Variants in ATF6B observed in about 807,000 individuals in gnomAD.
ATF6B encodes cyclic AMP-dependent transcription factor ATF-6 beta.
In ATF6B, 50 loss-of-function variants were observed where a neutral mutation model predicts 83.5. That is an observed-to-expected ratio of 0.60 (90% confidence interval 0.48 to 0.76). The LOEUF (loss-of-function observed/expected upper bound fraction) is 0.76, where lower values mean the gene tolerates loss of function less well. Ranked by LOEUF, ATF6B falls within the 30% of genes least tolerant of loss-of-function variation. The pLI is 0.00. For missense variants in ATF6B, 790 were observed against 893.8 expected, an observed-to-expected ratio of 0.88 and a Z score of 1.48; for synonymous variants, 344 against 362.8, an observed-to-expected ratio of 0.95 and a Z score of 0.59.
Position 32,117,154 on chromosome 6 carries a change from GGAAA to G in ATF6B, c.1615-51_1615-48del, listed in dbSNP as rs1781563986. ...GACTTGGAGAGGGTGAAGGGAAAAG[GGAAA>G]GAGACAAACAGCCCCTGGAAGCTGA... On this transcript the variant is annotated intron_variant, in intron 14 of 17. Coordinates refer to ENST00000375203, the MANE Select transcript of ATF6B (RefSeq NM_004381.5). The surrounding 1 kb of genome is among the most constrained non-coding windows in gnomAD (Gnocchi z 5.0). 2 of 1,599,570 alleles carry G rather than the reference GGAAA, an allele frequency of 1.3e-6. No individual in the cohort carries two copies. The highest frequency in any genetic ancestry group is 4.5e-5 in the East Asian group (2 of 44,770).
At chr6:32,127,970 C>T (rs1319420564) in intron 1 of ATF6B, 147 bp downstream of exon 1, 2 of 1,021,500 alleles carry the variant, frequency 2.0e-6, no homozygotes, top group Non-Finnish European at 2.9e-6. Context: ...TTTTGTATCC[C>T]CCTTAATGCA....
rs1226818069 is a variant in ATF6B at position 32,121,477 on chromosome 6, CA to C, written c.479-130del. 3 of 825,270 alleles carry C rather than the reference CA, an allele frequency of 3.6e-6. No individual in the cohort carries two copies. The Admixed American group carries it at 6.2e-5, about 17-fold the overall frequency. The allele number at this position is 825,270 out of a possible 1,614,324, so 51.1% of individuals were successfully genotyped here. ...CAGCACTTTGGGAGGCCAAGGCGGG[CA>C]GATCACCTGAGGTCAGGAGTTCAAG... is the stretch of plus-strand genomic sequence containing the variant. On this transcript the variant is annotated intron_variant, in intron 5 of 17. Coordinates refer to ENST00000375203, the MANE Select transcript of ATF6B (RefSeq NM_004381.5).
At chr6:32,123,441 T>C (rs879650311) in intron 5 of ATF6B, among the ~76,000 whole-genome samples, 48 of 152,052 alleles carry the variant, frequency 3.2e-4, no homozygotes, top group Admixed American at 1.2e-3. Flanking sequence ...TTGCTGCTAA[T>C]AGCAGTGGGC....
chr6:32,127,152 G>A lies in ATF6B; in HGVS notation c.293C>T (p.Ser98Phe). The A allele has an allele frequency of 8.7e-6, 14 of 1,612,080 alleles. No homozygotes were observed. Among genetic ancestry groups the A allele is most frequent in the Non-Finnish European group, 1.2e-5 (14 of 1,179,372 alleles). ...ACGCGATGACTCGGAGCTGAGGGAG[G>A]AGGAAGAGCAGGGGGAAGATGGCTC... is the stretch of plus-strand genomic sequence containing the variant. ...KSEPSSPCSS[S>F]SLSSESSRLS... Residue 98 changes from serine (S) to phenylalanine (F), a missense_variant, in exon 4 of 18, where the codon TCC becomes TTC. Physicochemically the swap from Ser to Phe is radical, Grantham distance 155. Around this residue, in one of 3 missense-constraint regions of ATF6B, gnomAD observed 253 missense variants for 243.1 expected, o/e 1.04. Coordinates refer to ENST00000375203, the MANE Select transcript of ATF6B (RefSeq NM_004381.5).
intron 5 of ATF6B, among the ~76,000 whole-genome samples, chr6:32,124,039 A>T (rs1781869178): frequency 6.6e-6 from 1 of 152,178 alleles, no homozygotes; most frequent in Admixed American, 6.5e-5. Flanking sequence ...TGTCTCTACT[A>T]AAAATACAAA....
At position 32,127,105 on chromosome 6, in the gene ATF6B, C is replaced by G; in HGVS notation, c.340G>C (p.Glu114Gln). 6.3e-7 allele frequency: 1 copy of G among 1,594,824 alleles called. No individual in the cohort carries two copies. The highest frequency in any genetic ancestry group is 8.5e-7 in the Non-Finnish European group (1 of 1,170,758). The part of the protein sequence containing the change: ...SSRLSTEPSS[E>Q]ALGVGEVLHV... ...TAAGAGGGATATGGCTCTCTCACCT[C>G]GCTGGATGGCTCTGTGGAGAGACGC... is the stretch of plus-strand genomic sequence containing the variant. The change falls in exon 4 of 18, where the codon GAG (glutamate) becomes CAG (glutamine). Residue 114 changes from glutamate (E) to glutamine (Q), a missense_variant and splice_region_variant. Glu to Gln is a conservative substitution (Grantham distance 29). This residue lies in a region of ATF6B where 253 missense variants were observed against 243.1 expected (regional missense o/e 1.04). Transcript: ENST00000375203.
At chr6:32,126,385 CTG>C in intron 4 of ATF6B, 133 bp from the exon 5 acceptor site, 2 of 1,069,100 alleles carry the variant, frequency 1.9e-6, no homozygotes, top group Non-Finnish European at 2.6e-6. Context: ...ACATTCTGGT[CTG>C]AATGGTACTG....
Position 32,127,185 on chromosome 6 carries a change from A to G in ATF6B, c.260T>C (p.Val87Ala). 1 of 1,609,682 alleles carries G rather than the reference A, an allele frequency of 6.2e-7. No homozygotes were observed. Among genetic ancestry groups the G allele is most frequent in the Middle Eastern group, 1.7e-4 (1 of 6,030 alleles). The change falls in exon 4 of 18, where the codon GTG (valine) becomes GCG (alanine). Residue 87 changes from valine to alanine, a missense_variant. By Grantham distance (64) the Val-to-Ala change is moderately conservative. Coordinates refer to ENST00000375203, the MANE Select transcript of ATF6B (RefSeq NM_004381.5). ...GCAGGGGGAAGATGGCTCAGACTTCACCTGAAGATCTGGAGGAAAGGGAGT... is the reference window on the plus strand; with the variant it reads ...GCAGGGGGAAGATGGCTCAGACTTCGCCTGAAGATCTGGAGGAAAGGGAGT... ...ELLPIFPDLQ[V>A]KSEPSSPCSS...
At chr6:32,127,851 C>A in intron 1 of ATF6B, 101 bp from the exon 2 acceptor site, 1 of 1,314,742 alleles carries the variant, frequency 7.6e-7, no homozygotes, top group South Asian at 1.3e-5. Flanking sequence ...CTCGGCCAGA[C>A]CCACCGCCCG....
chr6:32,118,849 T>C lies in ATF6B; in HGVS notation c.1170A>G (p.Leu390=). The change falls in exon 11 of 18, where the codon TTA becomes TTG. Residue 390 remains leucine (L), a synonymous_variant. Coordinates refer to ENST00000375203, the MANE Select transcript of ATF6B (RefSeq NM_004381.5). This position sits in a 1 kb window ranked among gnomAD's most constrained non-coding sequence, Gnocchi z 5.2. ...ALLAENSELK[L]GSGNRKVVCI... Reference sequence around the variant, plus strand: ...AGACCACCTTCCTGTTTCCAGACCCTAACTTGAGCTCGCTGTTCTAAGGTA... The same window carrying C: ...AGACCACCTTCCTGTTTCCAGACCCCAACTTGAGCTCGCTGTTCTAAGGTA... The C allele has an allele frequency of 6.2e-7, 1 of 1,614,182 alleles. No homozygotes were observed. Among genetic ancestry groups the C allele is most frequent in the Non-Finnish European group, 8.5e-7 (1 of 1,180,020 alleles).
In ATF6B at chr6:32,117,750, AAAG is replaced by A. The variant is rs1054414708; in HGVS notation, c.1425-59_1425-57del. ...GGAGACTGCCCAGCACTCCCACAAC[AAAG>A]AAGGCGATGACGGCAAGAGAAAGCT... On this transcript the variant is annotated intron_variant, in intron 12 of 17. Transcript: ENST00000375203. The surrounding 1 kb of genome is among the most constrained non-coding windows in gnomAD (Gnocchi z 5.0). The A allele has an allele frequency of 1.9e-6, 3 of 1,593,154 alleles. No individual in the cohort carries two copies. In the African/African-American group the frequency reaches 4.0e-5, roughly 21 times the overall value.
At chr6:32,126,863 A>T (rs893900593) in intron 4 of ATF6B, among the ~76,000 whole-genome samples, 8 of 152,276 alleles carry the variant, frequency 5.3e-5, no homozygotes, top group Admixed American at 5.2e-4. Flanking sequence ...CTATCTCAAA[A>T]AAAAGCAAAA....
Position 32,119,309 on chromosome 6 carries a change from G to C in ATF6B, c.967-168C>G, listed in dbSNP as rs1781660584. Among the ~76,000 whole-genome samples, 4 of 152,148 alleles carry C rather than the reference G, an allele frequency of 2.6e-5. No individual in the cohort carries two copies. The highest frequency in any genetic ancestry group is 9.7e-5 in the African/African-American group (4 of 41,428). On this transcript the variant is annotated intron_variant, in intron 9 of 17. Coordinates refer to ENST00000375203, the MANE Select transcript of ATF6B (RefSeq NM_004381.5). This position sits in a 1 kb window ranked among gnomAD's most constrained non-coding sequence, Gnocchi z 4.9. ...TTTCCTCTCTACTCAAACACGCTAG[G>C]GAAGGGGCCCTTCTTTCAAACATTC...
chr6:32,119,101 C>T lies in ATF6B; in HGVS notation c.1007G>A (p.Arg336Gln), dbSNP rs1376759658. ...LKRQQRMIKN[R>Q]ESACQSRRKK... Reference sequence around the variant, plus strand: ...TCTCCGGGACTGGCAGGCTGACTCCCGGTTCTTGATCATTCGCTGCTGCCG... The same window carrying T: ...TCTCCGGGACTGGCAGGCTGACTCCTGGTTCTTGATCATTCGCTGCTGCCG... The change falls in exon 10 of 18, where the codon CGG becomes CAG. Residue 336 changes from arginine to glutamine, a missense_variant. Transcript: ENST00000375203. The surrounding 1 kb of genome is among the most constrained non-coding windows in gnomAD (Gnocchi z 4.9). 5 of 1,612,778 alleles carry T rather than the reference C, an allele frequency of 3.1e-6. No homozygotes were observed. Among genetic ancestry groups the T allele is most frequent in the South Asian group, 1.1e-5 (1 of 90,954 alleles).
intron 5 of ATF6B, among the ~76,000 whole-genome samples, chr6:32,122,802 T>C (rs1462811114): frequency 1.3e-5 from 2 of 150,098 alleles, no homozygotes; most frequent in African/African-American, 2.5e-5. Flanking sequence ...TGAGCCGAGA[T>C]TGCGCCACTG....
In ATF6B at chr6:32,117,484, A is replaced by G; in HGVS notation, c.1533-80T>C. The stretch of plus-strand genomic sequence containing the variant: ...CTTGCCCACCCACAGGAGTGAGGAG[A>G]GGGCAGGGAGCACTGGCGCTTTAGT... On this transcript the variant is annotated intron_variant, in intron 13 of 17. Coordinates refer to ENST00000375203, the MANE Select transcript of ATF6B (RefSeq NM_004381.5). The surrounding 1 kb of genome is among the most constrained non-coding windows in gnomAD (Gnocchi z 5.0). 1 of 1,592,892 alleles carries G rather than the reference A, an allele frequency of 6.3e-7. No homozygotes were observed. The highest frequency in any genetic ancestry group is 8.6e-7 in the Non-Finnish European group (1 of 1,164,940).
At position 32,119,935 on chromosome 6, in the gene ATF6B, C is replaced by G. The variant is rs752855219; in HGVS notation, c.855G>C (p.Gln285His). ...PPPVSPVVLI[Q>H]GAIRVQPEGP... ...CTTCAGGCTGGACTCGAATAGCACC[C>G]TGGATGAGGACAACTGGGGACACTG... The change falls in exon 9 of 18, where the codon CAG becomes CAC. Residue 285 changes from glutamine (Q) to histidine (H), a missense_variant. Physicochemically the swap from Gln to His is conservative, Grantham distance 24 (BLOSUM62 0). Around this residue, in one of 3 missense-constraint regions of ATF6B, gnomAD observed 530 missense variants for 632.6 expected, o/e 0.84. Coordinates refer to ENST00000375203, the MANE Select transcript of ATF6B (RefSeq NM_004381.5). This position sits in a 1 kb window ranked among gnomAD's most constrained non-coding sequence, Gnocchi z 4.9. 1 of 1,614,094 alleles carries G rather than the reference C, an allele frequency of 6.2e-7. No homozygotes were observed.
In ATF6B at chr6:32,117,966, C is replaced by G; in HGVS notation, c.1317G>C (p.Leu439Phe). Residue 439 changes from leucine to phenylalanine, a missense_variant, in exon 12 of 18, where the codon TTG (leucine) becomes TTC (phenylalanine). Around this residue, in one of 3 missense-constraint regions of ATF6B, gnomAD observed 530 missense variants for 632.6 expected, o/e 0.84. Transcript: ENST00000375203. This position sits in a 1 kb window ranked among gnomAD's most constrained non-coding sequence, Gnocchi z 5.0. ...CTGGCTCTTGCTCTGAGAACCCCAG[C>G]AAGTGTCTCCGGGGTTGAGGCTCCC... is the stretch of plus-strand genomic sequence containing the variant. The part of the protein sequence containing the change: ...NKGEPQPRRH[L>F]LGFSEQEPVQ... 1 of 1,613,740 alleles carries G rather than the reference C, an allele frequency of 6.2e-7. No individual in the cohort carries two copies. The highest frequency in any genetic ancestry group is 2.2e-5 in the East Asian group (1 of 44,876).
chr6:32,124,292 G>A (rs530968858), intron 5 of ATF6B, among the ~76,000 whole-genome samples: 8 of 152,226 alleles, frequency 5.3e-5, no homozygotes, highest in African/African-American at 1.2e-4. Context: ...TCCATCCAGT[G>A]AACAGTAACA....
Sources: gnomAD v4.1 joint callset for allele counts (sites outside exome capture counted in the v4.1 genomes callset) on GRCh38, gnomAD v4.1.1 for gene constraint, gnomAD v4.1.1 regional missense constraint, Gnocchi (gnomAD v3.1) non-coding constraint, MANE v1.5 for transcripts, NCBI Gene and HGNC (gene_info 2026-07-23, HGNC 2026-07-21) for gene names.